Variants in PIEZO2 observed in about 807,000 individuals in gnomAD.
PIEZO2 encodes piezo-type mechanosensitive ion channel component 2.
In PIEZO2, 172 loss-of-function variants were observed where a neutral mutation model predicts 337.3. The ratio of observed to expected loss-of-function variants is 0.51; its 90% CI spans 0.45 to 0.58. The LOEUF is 0.58. PIEZO2 is among the 20% of genes least tolerant of loss of function. The probability of loss-of-function intolerance (pLI) is 0.00; values close to 1 mark genes in which losing one functional copy is unlikely to be tolerated. For missense variants in PIEZO2, 3,028 were observed against 3,391.3 expected (o/e 0.89, Z 2.66); for synonymous variants, 1,251 against 1,228.5 (o/e 1.02, Z -0.38).
intron 7 of PIEZO2, among the ~76,000 whole-genome samples, chr18:10,842,883 A>C (rs1013799106): frequency 1.3e-5 from 2 of 152,262 alleles, no homozygotes; most frequent in African/African-American, 4.8e-5. Flanking sequence ...AACGTTTGTC[A>C]AGTTGTCTTA....
At chr18:11,034,195 C>G (rs955634593) in intron 2 of PIEZO2, among the ~76,000 whole-genome samples, 2 of 152,128 alleles carry the variant, frequency 1.3e-5, no homozygotes. Context: ...TTTTAATTTA[C>G]TCCATTCTGA....
intron 3 of PIEZO2, among the ~76,000 whole-genome samples, chr18:10,963,443 T>G (rs2033870718): frequency 6.6e-6 from 1 of 152,224 alleles, no homozygotes; most frequent in Admixed American, 6.5e-5. Context: ...ATATCACATT[T>G]AAGGTCAAGA....
intron 18 of PIEZO2, among the ~76,000 whole-genome samples, chr18:10,779,912 G>A (rs1035571063): frequency 4.6e-5 from 7 of 152,166 alleles, no homozygotes; most frequent in African/African-American, 1.7e-4. Flanking sequence ...GTGCTACGGA[G>A]GTTCAGAGGG....
intron 12 of PIEZO2, among the ~76,000 whole-genome samples, chr18:10,796,739 A>G (rs1334751845): frequency 6.6e-6 from 1 of 152,228 alleles, no homozygotes. Context: ...AGATAGCAGC[A>G]CTTAGAGCCA....
intron 1 of PIEZO2, among the ~76,000 whole-genome samples, chr18:11,117,758 C>T (rs973858504): frequency 6.6e-6 from 1 of 152,170 alleles, no homozygotes; most frequent in Non-Finnish European, 1.5e-5. Flanking sequence ...GCTGTGAAAT[C>T]AATGGGGCTC....
In PIEZO2 at chr18:11,002,918, A is replaced by G. The variant is rs1290525676; in HGVS notation, c.161-23258T>C. Among the ~76,000 whole-genome samples the G allele has an allele frequency of 6.6e-6, 1 of 152,184 alleles. No homozygotes were observed. Among genetic ancestry groups the G allele is most frequent in the Non-Finnish European group, 1.5e-5 (1 of 68,038 alleles). On this transcript the variant is annotated intron_variant, in intron 2 of 55. Transcript: ENST00000674853. The surrounding 1 kb of genome is among the most constrained non-coding windows in gnomAD (Gnocchi z 4.3). ...GAAACATCCAATGGGGATGTAAAGAATTTTCTTTAGTAGAATCAGTTGATT... is the reference window on the plus strand; with the variant it reads ...GAAACATCCAATGGGGATGTAAAGAGTTTTCTTTAGTAGAATCAGTTGATT...
Position 10,833,257 on chromosome 18 carries a change from C to A in PIEZO2, c.917+22096G>T, listed in dbSNP as rs145321646. ...CCCAGGGTAACAGGTACCCTGGGTG[C>A]GTCAGTGGCAGCACAGAGATGAAAC... On this transcript the variant is annotated intron_variant, in intron 7 of 55. Coordinates refer to ENST00000674853, the MANE Select transcript of PIEZO2 (RefSeq NM_001378183.1). The surrounding 1 kb of genome is among the most constrained non-coding windows in gnomAD (Gnocchi z 4.7). 0.01 allele frequency among the ~76,000 whole-genome samples: 1,574 copies of A among 152,222 alleles called. 34 individuals carry two copies. Among genetic ancestry groups the A allele is most frequent in the African/African-American group, 0.036 (1,482 of 41,512 alleles).
At chr18:10,884,876 A>G (rs1327921251) in intron 4 of PIEZO2, among the ~76,000 whole-genome samples, 2 of 152,196 alleles carry the variant, frequency 1.3e-5, no homozygotes, top group African/African-American at 4.8e-5. Flanking sequence ...GAAGATAACA[A>G]GGAAGAGCGA....
At chr18:10,955,172 A>G (rs1284500295) in intron 3 of PIEZO2, among the ~76,000 whole-genome samples, 1 of 152,212 alleles carries the variant, frequency 6.6e-6, no homozygotes, top group Non-Finnish European at 1.5e-5. Flanking sequence ...TGGAATTGAA[A>G]TTGTGGGTTT....
intron 39 of PIEZO2, among the ~76,000 whole-genome samples, chr18:10,712,023 C>T (rs930029161): frequency 3.9e-5 from 6 of 152,184 alleles, no homozygotes; most frequent in Non-Finnish European, 8.8e-5. Context: ...GGGACATTTA[C>T]GTGTAGAGAA....
chr18:10,706,853 C>T (rs1224017608), intron 40 of PIEZO2, among the ~76,000 whole-genome samples: 1 of 152,166 alleles, frequency 6.6e-6, no homozygotes, highest in Non-Finnish European at 1.5e-5. Context: ...AATACGTACT[C>T]TTATCTGAAT....
rs2034134317 is a variant in PIEZO2, at chr18:10,969,126, AT to A, written c.286+10408del. 6.6e-6 allele frequency among the ~76,000 whole-genome samples: 1 copy of A among 152,230 alleles called. No homozygotes were observed. The highest frequency in any genetic ancestry group is 1.5e-5 in the Non-Finnish European group (1 of 68,034). ...TCTGCTGCTTTCAAATGCCTTTGAA[AT>A]GTCCTTCCATATTCCATAAATTTGG... On this transcript the variant is annotated intron_variant, in intron 3 of 55. Transcript: ENST00000674853. The surrounding 1 kb of genome is among the most constrained non-coding windows in gnomAD (Gnocchi z 4.5).
At chr18:10,974,557 G>C (rs1019043125) in intron 3 of PIEZO2, among the ~76,000 whole-genome samples, 1 of 152,212 alleles carries the variant, frequency 6.6e-6, no homozygotes, top group Non-Finnish European at 1.5e-5. Flanking sequence ...AGTCCTAGGA[G>C]CCACAGTGGA....
At position 10,758,868 on chromosome 18, in the gene PIEZO2, G is replaced by A. The variant is rs138813372; in HGVS notation, c.3757+614C>T. On this transcript the variant is annotated intron_variant, in intron 26 of 55. Transcript: ENST00000674853. ...TCCCAGCAACTGCCCACAAAGGGCTGAGGCCAAGCCTGCCTGGAAGCCTGA... is the reference window on the plus strand; with the variant it reads ...TCCCAGCAACTGCCCACAAAGGGCTAAGGCCAAGCCTGCCTGGAAGCCTGA... Among the ~76,000 whole-genome samples, 354 of 152,338 alleles carry A rather than the reference G, an allele frequency of 2.3e-3. 4 individuals are homozygous for A. Among genetic ancestry groups the A allele is most frequent in the African/African-American group, 8.2e-3 (343 of 41,580 alleles).
chr18:11,076,676 A>C (rs184851984), intron 1 of PIEZO2, among the ~76,000 whole-genome samples: 2 of 152,356 alleles, frequency 1.3e-5, no homozygotes, highest in East Asian at 3.9e-4. Context: ...AGTATTAAGC[A>C]GTATATATAT....
At chr18:10,957,738 A>G (rs1232019902) in intron 3 of PIEZO2, among the ~76,000 whole-genome samples, 2 of 152,244 alleles carry the variant, frequency 1.3e-5, no homozygotes, top group Non-Finnish European at 2.9e-5. Context: ...CAACCCATGC[A>G]TTGAAAGAAA....
intron 3 of PIEZO2, among the ~76,000 whole-genome samples, chr18:10,976,036 G>T (rs1198640489): frequency 6.6e-6 from 1 of 152,118 alleles, no homozygotes; most frequent in Non-Finnish European, 1.5e-5. Flanking sequence ...ATCTCTGATG[G>T]TATAATCATA....
At chr18:10,951,816 A>G (rs1020404313) in intron 3 of PIEZO2, among the ~76,000 whole-genome samples, 1 of 152,148 alleles carries the variant, frequency 6.6e-6, no homozygotes, top group Non-Finnish European at 1.5e-5. Context: ...TAGCTTACTT[A>G]TCTATCATTC....
chr18:11,034,254 G>C (rs1027374050), intron 2 of PIEZO2, among the ~76,000 whole-genome samples: 2 of 152,050 alleles, frequency 1.3e-5, no homozygotes, highest in Non-Finnish European at 2.9e-5. Flanking sequence ...GGGTGAGAAG[G>C]AGGGAAGTCT....
Sources: allele counts gnomAD v4.1 joint callset (sites outside exome capture counted in the v4.1 genomes callset), GRCh38; gene constraint gnomAD v4.1.1; non-coding constraint Gnocchi (gnomAD v3.1); transcripts MANE v1.5; gene names NCBI Gene and HGNC (gene_info 2026-07-23, HGNC 2026-07-21).